The following FAM240B variants were observed in gnomAD, a reference collection of about 807,000 sequenced individuals.
FAM240B encodes the protein protein FAM240B.
At chr9:38,714,439 C>G (rs1334260728) in intron 1 of FAM240B, among the ~76,000 whole-genome samples, 1 of 152,210 alleles carries the variant, frequency 6.6e-6, no homozygotes, top group Non-Finnish European at 1.5e-5. Context: ...CACAAATTGT[C>G]TGATACTCCC....
intron 1 of FAM240B, among the ~76,000 whole-genome samples, chr9:38,718,360 CG>C (rs2119017579): frequency 6.6e-6 from 1 of 152,314 alleles, no homozygotes; most frequent in East Asian, 1.9e-4. Flanking sequence ...TCTGCTGTCA[CG>C]GAAGTGTTGG....
chr9:38,704,684 G>A (rs1483154621), intron 1 of FAM240B, among the ~76,000 whole-genome samples: 1 of 152,148 alleles, frequency 6.6e-6, no homozygotes, highest in African/African-American at 2.4e-5. Context: ...TAAACAGTGC[G>A]CTCTTTCCAT....
chr9:38,718,171 A>C (rs1200394575), intron 1 of FAM240B, among the ~76,000 whole-genome samples: 1 of 152,244 alleles, frequency 6.6e-6, no homozygotes, highest in Non-Finnish European at 1.5e-5. Context: ...ATAATTAACC[A>C]TTCTAGCATG....
At chr9:38,695,308 G>A (rs1286671836) in intron 2 of FAM240B, among the ~76,000 whole-genome samples, 1 of 152,242 alleles carries the variant, frequency 6.6e-6, no homozygotes, top group East Asian at 1.9e-4. Flanking sequence ...CGCGCACGAG[G>A]TCAGGAGATC....
chr9:38,699,702 C>T (rs1479890873), intron 2 of FAM240B, among the ~76,000 whole-genome samples: 3 of 152,300 alleles, frequency 2.0e-5, no homozygotes, highest in East Asian at 1.9e-4. Flanking sequence ...AGAAAGGGAG[C>T]GGCCGGCACT....
intron 1 of FAM240B, among the ~76,000 whole-genome samples, chr9:38,717,895 T>C (rs1445298098): frequency 6.6e-6 from 1 of 152,182 alleles, no homozygotes; most frequent in East Asian, 1.9e-4. Flanking sequence ...CACTGAAGGA[T>C]ATGAAATAAA....
Position 38,694,274 on chromosome 9 carries a change from A to G in FAM240B, c.*502T>C, listed in dbSNP as rs1457612073. ...CAAGCCATATTGTTAAATTCTTTTT[A>G]TAATAATAGCTTTATTTCTGCAAGC... On this transcript the variant is annotated 3_prime_UTR_variant, in exon 3 of 3. Coordinates refer to ENST00000637493, the MANE Select transcript of FAM240B (RefSeq NM_001394922.1). The G allele has an allele frequency of 6.6e-6, 1 of 152,400 alleles. No individual in the cohort carries two copies. The highest frequency in any genetic ancestry group is 2.4e-5 in the African/African-American group (1 of 41,478). The allele number at this position is 152,400 out of a possible 1,614,324, so 9.4% of individuals were successfully genotyped here.
chr9:38,696,283 C>T (rs1380290787), intron 2 of FAM240B, among the ~76,000 whole-genome samples: 1 of 152,072 alleles, frequency 6.6e-6, no homozygotes, highest in African/African-American at 2.4e-5. Context: ...TTTCTACATC[C>T]CAGTCTATTT....
chr9:38,704,633 A>G (rs936284098), intron 1 of FAM240B, among the ~76,000 whole-genome samples: 2 of 152,232 alleles, frequency 1.3e-5, no homozygotes, highest in Non-Finnish European at 2.9e-5. Flanking sequence ...ATCATCAACA[A>G]AAGTGCTAAG....
chr9:38,697,853 A>G (rs1821085257), intron 2 of FAM240B, among the ~76,000 whole-genome samples: 1 of 152,224 alleles, frequency 6.6e-6, no homozygotes, highest in Admixed American at 6.5e-5. Flanking sequence ...GGGAATATTT[A>G]CATCATGGAA....
At chr9:38,710,647 G>A (rs113560712) in intron 1 of FAM240B, among the ~76,000 whole-genome samples, 4 of 152,186 alleles carry the variant, frequency 2.6e-5, no homozygotes, top group African/African-American at 7.2e-5. Context: ...ACGACAGGGC[G>A]TGGAAGTGAG....
intron 1 of FAM240B, among the ~76,000 whole-genome samples, chr9:38,716,165 G>A (rs1243697532): frequency 2.0e-5 from 3 of 152,138 alleles, no homozygotes; most frequent in Non-Finnish European, 4.4e-5. Context: ...TGTGGGGCAA[G>A]GACCTTACTT....
At chr9:38,719,785 A>T (rs987239992) in intron 1 of FAM240B, among the ~76,000 whole-genome samples, 1 of 152,210 alleles carries the variant, frequency 6.6e-6, no homozygotes, top group Non-Finnish European at 1.5e-5. Context: ...ACTCTTTAAC[A>T]TGAAATTTCT....
At chr9:38,713,325 A>C (rs898819151) in intron 1 of FAM240B, among the ~76,000 whole-genome samples, 2 of 151,944 alleles carry the variant, frequency 1.3e-5, no homozygotes, top group Non-Finnish European at 2.9e-5. Context: ...AAAAATACAA[A>C]AGATTAGCTG....
intron 2 of FAM240B, among the ~76,000 whole-genome samples, chr9:38,702,880 A>G (rs1224915053): frequency 6.6e-6 from 1 of 152,222 alleles, no homozygotes; most frequent in African/African-American, 2.4e-5. Flanking sequence ...AGGGTAGCGA[A>G]CAGATTGTTT....
intron 2 of FAM240B, among the ~76,000 whole-genome samples, chr9:38,703,098 A>C (rs1034153922): frequency 1.3e-5 from 2 of 152,190 alleles, no homozygotes; most frequent in African/African-American, 4.8e-5. Flanking sequence ...AACCCTCCAC[A>C]ACAAAGAATT....
At chr9:38,708,532 G>C (rs1018911763) in intron 1 of FAM240B, among the ~76,000 whole-genome samples, 12 of 152,198 alleles carry the variant, frequency 7.9e-5, no homozygotes, top group African/African-American at 2.7e-4. Context: ...AACCAGGATG[G>C]AGAGAAAGCT....
chr9:38,706,211 A>T (rs923097263), intron 1 of FAM240B, among the ~76,000 whole-genome samples: 1 of 146,860 alleles, frequency 6.8e-6, no homozygotes, highest in Non-Finnish European at 1.5e-5. Context: ...GGAATAGCTA[A>T]ATCGAGCTAA....
At chr9:38,717,471 T>TA (rs1261507377) in intron 1 of FAM240B, among the ~76,000 whole-genome samples, 2 of 152,060 alleles carry the variant, frequency 1.3e-5, no homozygotes, top group Admixed American at 6.6e-5. Context: ...GGTCTCACCC[T>TA]AAAAAGGTGT....
Sources: gnomAD v4.1 joint callset for allele counts (sites outside exome capture counted in the v4.1 genomes callset) on GRCh38, gnomAD v4.1.1 for gene constraint, MANE v1.5 for transcripts, NCBI Gene and HGNC (gene_info 2026-07-23, HGNC 2026-07-21) for gene names.